The following IL1RAPL1 variants were observed in gnomAD, a reference collection of about 807,000 sequenced individuals.
The protein encoded by IL1RAPL1 is interleukin-1 receptor accessory protein-like 1.
Under a neutral mutation model 48.4 loss-of-function variants are expected in IL1RAPL1, and 3 were observed. The ratio of observed to expected loss-of-function variants is 0.06; its 90% CI spans 0.03 to 0.16. The LOEUF is 0.16. IL1RAPL1 is among the 10% of genes least tolerant of loss of function. The pLI is 1.00. For missense variants in IL1RAPL1, 349 were observed against 530.6 expected, an observed-to-expected ratio of 0.66 and a Z score of 3.36; for synonymous variants, 185 against 187.7, an observed-to-expected ratio of 0.99 and a Z score of 0.12.
intron 2 of IL1RAPL1, among the ~76,000 whole-genome samples, chrX:29,191,264 G>A (rs770750651): frequency 1.5e-4 from 17 of 111,747 alleles, no homozygotes; most frequent in Admixed American, 3.8e-4. Context: ...TAAGCACTAC[G>A]TATATAATGT....
At chrX:29,840,741 A>G (rs1200923544) in intron 6 of IL1RAPL1, among the ~76,000 whole-genome samples, 1 of 111,861 alleles carries the variant, frequency 8.9e-6, no homozygotes, top group East Asian at 2.8e-4. Context: ...GAATTATAAT[A>G]ATACCTGACA....
intron 5 of IL1RAPL1, among the ~76,000 whole-genome samples, chrX:29,611,712 T>G (rs1294581404): frequency 9.0e-6 from 1 of 111,476 alleles, no homozygotes; most frequent in Admixed American, 9.5e-5. Flanking sequence ...TCTTGGTACC[T>G]GGGTCCTTGT....
chrX:29,933,885 T>A lies in IL1RAPL1; in HGVS notation c.1058-7766T>A, dbSNP rs111941656. On this transcript the variant is annotated intron_variant, in intron 8 of 10. Transcript: ENST00000378993. ...TGTATCCAATTGAGAAGGTGCCGTA[T>A]GAGCAGAGACTTGAAGAAGCAAAGA... Among the ~76,000 whole-genome samples, 147 of 110,855 alleles carry A rather than the reference T, an allele frequency of 1.3e-3. 2 individuals carry two copies. Among genetic ancestry groups the A allele is most frequent in the African/African-American group, 4.6e-3 (141 of 30,643 alleles).
intron 5 of IL1RAPL1, among the ~76,000 whole-genome samples, chrX:29,532,642 A>G (rs747920668): frequency 1.8e-4 from 20 of 112,021 alleles, no homozygotes; most frequent in Non-Finnish European, 3.0e-4. Flanking sequence ...CACTGATCCA[A>G]CAATAAATTC....
At chrX:29,106,509 G>A (rs1411389350) in intron 2 of IL1RAPL1, among the ~76,000 whole-genome samples, 1 of 111,455 alleles carries the variant, frequency 9.0e-6, no homozygotes, top group Non-Finnish European at 1.9e-5. Flanking sequence ...GTGAGATAAG[G>A]ATATTTTCTT....
intron 2 of IL1RAPL1, among the ~76,000 whole-genome samples, chrX:29,150,489 G>A (rs1268642737): frequency 9.0e-6 from 1 of 111,441 alleles, no homozygotes; most frequent in African/African-American, 3.3e-5. Context: ...CCAAGATGGG[G>A]ACAAGGGGAA....
intron 3 of IL1RAPL1, among the ~76,000 whole-genome samples, chrX:29,341,635 G>A (rs1933076684): frequency 9.0e-6 from 1 of 111,270 alleles, no homozygotes; most frequent in Non-Finnish European, 1.9e-5. Flanking sequence ...TTGGTAGAAG[G>A]AACATTTTCT....
At chrX:28,817,221 G>A (rs972439443) in intron 2 of IL1RAPL1, among the ~76,000 whole-genome samples, 2 of 110,091 alleles carry the variant, frequency 1.8e-5, no homozygotes, top group Admixed American at 9.7e-5. Flanking sequence ...TATATTATAA[G>A]CAACAATTGT....
At chrX:29,832,884 C>T (rs1398773704) in intron 6 of IL1RAPL1, among the ~76,000 whole-genome samples, 1 of 109,783 alleles carries the variant, frequency 9.1e-6, no homozygotes, top group African/African-American at 3.3e-5. Context: ...AACAAATTCA[C>T]AAATATTTGG....
chrX:28,740,698 T>C (rs1935895912), intron 1 of IL1RAPL1, among the ~76,000 whole-genome samples: 1 of 111,287 alleles, frequency 9.0e-6, no homozygotes, highest in Admixed American at 9.6e-5. Flanking sequence ...TCTCTTTGTG[T>C]CCATGTGTAC....
chrX:28,873,840 C>A (rs1438644808), intron 2 of IL1RAPL1, among the ~76,000 whole-genome samples: 1 of 109,881 alleles, frequency 9.1e-6, no homozygotes, highest in African/African-American at 3.3e-5. Flanking sequence ...CTATTGTTTT[C>A]TAATACCATT....
At chrX:29,462,834 C>A (rs1424043208) in intron 5 of IL1RAPL1, among the ~76,000 whole-genome samples, 2 of 111,676 alleles carry the variant, frequency 1.8e-5, no homozygotes, top group South Asian at 7.5e-4. Flanking sequence ...ATGTGTCTGT[C>A]GGTATTTGGG....
chrX:29,307,671 C>T (rs753854412), intron 3 of IL1RAPL1, among the ~76,000 whole-genome samples: 1 of 111,447 alleles, frequency 9.0e-6, no homozygotes, highest in South Asian at 3.6e-4. Flanking sequence ...ACATTTTTTT[C>T]CCTTAATAGA....
At chrX:29,333,378 T>C (rs758927357) in intron 3 of IL1RAPL1, among the ~76,000 whole-genome samples, 194 of 84,901 alleles carry the variant, frequency 2.3e-3, no homozygotes, top group Non-Finnish European at 3.3e-3. Flanking sequence ...CCTCACCTCC[T>C]GGATAGGGCG....
intron 2 of IL1RAPL1, among the ~76,000 whole-genome samples, chrX:28,976,262 C>A (rs1269150574): frequency 9.0e-6 from 1 of 111,424 alleles, no homozygotes; most frequent in Non-Finnish European, 1.9e-5. Context: ...ACAGGGAGAC[C>A]AGTTATGAAT....
At chrX:28,688,617 CAG>C (rs1184087137) in intron 1 of IL1RAPL1, among the ~76,000 whole-genome samples, 1 of 111,794 alleles carries the variant, frequency 8.9e-6, no homozygotes, top group Non-Finnish European at 1.9e-5. Context: ...AACAGGGAAA[CAG>C]GGTTTAGAGG....
At chrX:29,391,782 C>G (rs1192433365) in intron 3 of IL1RAPL1, among the ~76,000 whole-genome samples, 1 of 111,661 alleles carries the variant, frequency 9.0e-6, no homozygotes, top group Admixed American at 9.5e-5. Context: ...TCTATGTGTG[C>G]TAACCCAGCA....
intron 6 of IL1RAPL1, among the ~76,000 whole-genome samples, chrX:29,731,557 A>G (rs780101102): frequency 8.1e-4 from 91 of 111,951 alleles, no homozygotes; most frequent in African/African-American, 2.8e-3. Flanking sequence ...TGCAAAGTAA[A>G]AGGGTTGATA....
At chrX:28,852,470 C>T (rs954199668) in intron 2 of IL1RAPL1, among the ~76,000 whole-genome samples, 3 of 110,709 alleles carry the variant, frequency 2.7e-5, no homozygotes, top group Non-Finnish European at 5.7e-5. Flanking sequence ...TGATTCACTT[C>T]CATATTAACC....
Sources: allele counts gnomAD v4.1 joint callset (sites outside exome capture counted in the v4.1 genomes callset), GRCh38; gene constraint gnomAD v4.1.1; transcripts MANE v1.5; gene names NCBI Gene and HGNC (gene_info 2026-07-23, HGNC 2026-07-21).